Variants in STAG1 observed in about 807,000 individuals in gnomAD.
STAG1 encodes the protein cohesin subunit SA-1.
In STAG1, 26 loss-of-function variants were observed where a neutral mutation model predicts 170.9. The ratio of observed to expected loss-of-function variants is 0.15; its 90% CI spans 0.11 to 0.21. STAG1 has a LOEUF of 0.21. STAG1 is among the 10% of genes least tolerant of loss of function. STAG1 has a pLI of 1.00. For missense variants in STAG1, 964 were observed against 1,509.5 expected, an observed-to-expected ratio of 0.64 and a Z score of 5.99; for synonymous variants, 514 against 497.7, an observed-to-expected ratio of 1.03 and a Z score of -0.44.
chr3:136,381,549 A>G (rs151004951), intron 22 of STAG1, among the ~76,000 whole-genome samples: 127 of 152,288 alleles, frequency 8.3e-4, no homozygotes, highest in African/African-American at 2.8e-3. Flanking sequence ...GTGCTGAATC[A>G]GACTGCAGTA....
chr3:136,646,613 T>A (rs6767889), intron 1 of STAG1, among the ~76,000 whole-genome samples: 26,822 of 152,146 alleles, frequency 0.18, 2,900 homozygotes, highest in Non-Finnish European at 0.24. Context: ...CACTATAAGA[T>A]GACAGTAGTT....
intron 1 of STAG1, among the ~76,000 whole-genome samples, chr3:136,682,505 A>G (rs888884877): frequency 6.6e-5 from 10 of 151,194 alleles, no homozygotes; most frequent in African/African-American, 2.2e-4. Flanking sequence ...TAAATATGTC[A>G]CACGAAAAAA....
intron 26 of STAG1, among the ~76,000 whole-genome samples, 159 bp from the exon 27 acceptor site, chr3:136,359,455 A>G (rs938574971): frequency 3.3e-5 from 5 of 152,186 alleles, no homozygotes; most frequent in African/African-American, 1.2e-4. Flanking sequence ...CAAATTGTCT[A>G]TTATTAATAG....
At chr3:136,682,033 G>A (rs905578162) in intron 1 of STAG1, among the ~76,000 whole-genome samples, 4 of 151,748 alleles carry the variant, frequency 2.6e-5, no homozygotes, top group Admixed American at 2.6e-4. Context: ...GAACAACTAG[G>A]CAGGAAAATG....
At chr3:136,667,687 G>T (rs1169893747) in intron 1 of STAG1, among the ~76,000 whole-genome samples, 1 of 151,968 alleles carries the variant, frequency 6.6e-6, no homozygotes, top group Non-Finnish European at 1.5e-5. Context: ...GTAGAGACAG[G>T]GTTTCACCAT....
intron 23 of STAG1, among the ~76,000 whole-genome samples, chr3:136,371,510 T>A (rs1171812942): frequency 6.6e-6 from 1 of 152,238 alleles, no homozygotes; most frequent in Non-Finnish European, 1.5e-5. Context: ...AAGTCTTTAA[T>A]CCATCTTGAA....
intron 7 of STAG1, among the ~76,000 whole-genome samples, chr3:136,512,988 A>C (rs1934151532): frequency 6.6e-6 from 1 of 152,176 alleles, no homozygotes; most frequent in African/African-American, 2.4e-5. Context: ...GCAGAAGAAA[A>C]CCTCAGAGAA....
chr3:136,705,492 A>T (rs925700513), intron 1 of STAG1, among the ~76,000 whole-genome samples: 1 of 151,834 alleles, frequency 6.6e-6, no homozygotes, highest in Non-Finnish European at 1.5e-5. Context: ...AGCTCCCATA[A>T]TTCCCACGTA....
chr3:136,365,088 A>C (rs1937025697), intron 25 of STAG1, among the ~76,000 whole-genome samples: 1 of 152,202 alleles, frequency 6.6e-6, no homozygotes, highest in African/African-American at 2.4e-5. Context: ...AAAAGGTTAG[A>C]GCCTATAGTG....
chr3:136,571,861 C>T (rs140890843), intron 4 of STAG1, among the ~76,000 whole-genome samples: 242 of 152,068 alleles, frequency 1.6e-3, no homozygotes, highest in African/African-American at 5.0e-3. Flanking sequence ...CTCTAGCCTG[C>T]GCAACAGAGT....
At chr3:136,588,728 A>G (rs1937977878) in intron 4 of STAG1, among the ~76,000 whole-genome samples, 1 of 151,668 alleles carries the variant, frequency 6.6e-6, no homozygotes, top group Admixed American at 6.6e-5. Flanking sequence ...CCCGGGTTCA[A>G]GTGATTCTGC....
intron 7 of STAG1, among the ~76,000 whole-genome samples, chr3:136,515,412 G>A (rs948574880): frequency 2.6e-5 from 4 of 152,114 alleles, no homozygotes; most frequent in African/African-American, 7.2e-5. Context: ...AGTGACTTAT[G>A]TATGTTACAT....
At chr3:136,657,319 C>T (rs1576724342) in intron 1 of STAG1, among the ~76,000 whole-genome samples, 1 of 151,428 alleles carries the variant, frequency 6.6e-6, no homozygotes, top group Admixed American at 6.6e-5. Flanking sequence ...GTCCCTCAGC[C>T]GCCCGAGTAG....
intron 21 of STAG1, chr3:136,417,634 TAGAGA>T: frequency 2.7e-6 from 1 of 367,384 alleles, no homozygotes; most frequent in Non-Finnish European, 4.9e-6. Flanking sequence ...TTTCTCCTAA[TAGAGA>T]AAAGTCTACC....
intron 5 of STAG1, among the ~76,000 whole-genome samples, chr3:136,544,312 T>C (rs1451469510): frequency 1.3e-5 from 2 of 152,194 alleles, no homozygotes; most frequent in African/African-American, 4.8e-5. Context: ...TCTCCTCCTC[T>C]ATTCTATGAT....
In STAG1 at chr3:136,350,661, C is replaced by A. The variant is rs180986646; in HGVS notation, c.3066-1298G>T. On this transcript the variant is annotated intron_variant, in intron 28 of 33. Coordinates refer to ENST00000383202, the MANE Select transcript of STAG1 (RefSeq NM_005862.3). The stretch of plus-strand genomic sequence containing the variant: ...GCCATCCAAATTCTGCCCTCCTCCC[C>A]ATTTCAGTGGCATAAAAGTTAAAGT... Among the ~76,000 whole-genome samples the A allele has an allele frequency of 6.8e-4, 103 of 152,302 alleles. 1 individual carries two copies. Among genetic ancestry groups the A allele is most frequent in the South Asian group, 4.6e-3 (22 of 4,834 alleles).
intron 1 of STAG1, among the ~76,000 whole-genome samples, chr3:136,645,713 T>C (rs1041447341): frequency 6.6e-6 from 1 of 152,108 alleles, no homozygotes; most frequent in Non-Finnish European, 1.5e-5. Context: ...CTCAGAGAAA[T>C]AGTCTCCTAC....
At chr3:136,400,535 CTTTCT>C (rs1403457204) in intron 21 of STAG1, among the ~76,000 whole-genome samples, 19 of 150,388 alleles carry the variant, frequency 1.3e-4, no homozygotes, top group Non-Finnish European at 2.5e-4. Context: ...CATAAATTTT[CTTTCT>C]TTTTTTTTTT....
intron 4 of STAG1, among the ~76,000 whole-genome samples, chr3:136,597,258 T>A (rs143304740): frequency 2.6e-5 from 4 of 152,164 alleles, no homozygotes; most frequent in African/African-American, 9.6e-5. Context: ...TATCTAAGAA[T>A]TGAATTGGTT....
Sources: allele counts gnomAD v4.1 joint callset (sites outside exome capture counted in the v4.1 genomes callset), GRCh38; gene constraint gnomAD v4.1.1; transcripts MANE v1.5; gene names NCBI Gene and HGNC (gene_info 2026-07-23, HGNC 2026-07-21).